Variants in CUL5 observed in about 807,000 individuals in gnomAD.
CUL5 encodes the protein cullin-5.
Under a neutral mutation model 108.8 loss-of-function variants are expected in CUL5, and 26 were observed. The observed-to-expected ratio is 0.24, with a 90% CI of 0.18 to 0.33. The LOEUF is 0.33. CUL5 is among the 10% of genes least tolerant of loss of function. The pLI, the probability that CUL5 is intolerant of heterozygous loss-of-function variation, is 1.00. For synonymous variants in CUL5, 334 were observed against 298.0 expected (o/e 1.12, Z -1.25); for missense variants, 524 against 909.2 (o/e 0.58, Z 5.45).
chr11:108,021,024 A>C (rs909622376), intron 1 of CUL5, among the ~76,000 whole-genome samples: 2 of 152,250 alleles, frequency 1.3e-5, no homozygotes, highest in Non-Finnish European at 2.9e-5. Flanking sequence ...AATTCTTACC[A>C]CTTTGTCCTA....
In CUL5 at chr11:108,088,874, C is replaced by G. The variant is rs998150599; in HGVS notation, c.1311+215C>G. 2.0e-5 allele frequency among the ~76,000 whole-genome samples: 3 copies of G among 151,850 alleles called. No homozygotes were observed. The South Asian group carries it at 6.3e-4, about 32-fold the overall frequency. The stretch of plus-strand genomic sequence containing the variant: ...TCTTGAAAGGAATACCATTTAATTC[C>G]TCTCCTTTCTTGGTTATTTTTAGGA... On this transcript the variant is annotated intron_variant, in intron 12 of 18. Coordinates refer to ENST00000393094, the MANE Select transcript of CUL5 (RefSeq NM_003478.6).
At chr11:108,064,450 G>C (rs1378510159) in intron 7 of CUL5, among the ~76,000 whole-genome samples, 1 of 152,174 alleles carries the variant, frequency 6.6e-6, no homozygotes, top group Non-Finnish European at 1.5e-5. Flanking sequence ...GCTCACGCCT[G>C]TAATCCCAGC....
chr11:108,080,676 G>A (rs1050323679), intron 11 of CUL5, among the ~76,000 whole-genome samples: 2 of 152,140 alleles, frequency 1.3e-5, no homozygotes, highest in Admixed American at 1.3e-4. Context: ...TTACAGGCAT[G>A]AGCCACCATG....
At chr11:108,021,107 C>T (rs1329797535) in intron 1 of CUL5, among the ~76,000 whole-genome samples, 2 of 152,166 alleles carry the variant, frequency 1.3e-5, no homozygotes, top group African/African-American at 4.8e-5. Context: ...TACCATTTAG[C>T]CTAAGTGTAT....
intron 1 of CUL5, among the ~76,000 whole-genome samples, chr11:108,022,486 T>C (rs1163619353): frequency 6.6e-6 from 1 of 151,910 alleles, no homozygotes; most frequent in African/African-American, 2.4e-5. Context: ...TGCTTGAAAA[T>C]GCACTCCTAA....
At chr11:108,015,060 G>A (rs1862147377) in intron 1 of CUL5, among the ~76,000 whole-genome samples, 1 of 152,014 alleles carries the variant, frequency 6.6e-6, no homozygotes, top group South Asian at 2.1e-4. Context: ...CACCATGCTC[G>A]GCTGATTTTT....
At chr11:108,028,860 T>C (rs1049279171) in intron 1 of CUL5, among the ~76,000 whole-genome samples, 1 of 152,158 alleles carries the variant, frequency 6.6e-6, no homozygotes, top group African/African-American at 2.4e-5. Context: ...ATGACACTTC[T>C]TGCTCAGAAT....
chr11:108,080,073 G>A (rs984205390), intron 11 of CUL5, among the ~76,000 whole-genome samples: 7 of 148,966 alleles, frequency 4.7e-5, no homozygotes, highest in Non-Finnish European at 5.9e-5. Context: ...TTTAATTCCC[G>A]TCTCCCTCAT....
intron 1 of CUL5, among the ~76,000 whole-genome samples, chr11:108,022,893 A>T (rs73555376): frequency 0.02 from 3,014 of 152,146 alleles, 112 homozygotes; most frequent in African/African-American, 0.068. Context: ...TGCTTTTCTT[A>T]TGGACTTTTT....
At chr11:108,091,123 C>T (rs1263984187) in intron 13 of CUL5, among the ~76,000 whole-genome samples, 1 of 151,870 alleles carries the variant, frequency 6.6e-6, no homozygotes, top group African/African-American at 2.4e-5. Flanking sequence ...GCAATCTTGA[C>T]TCACTGAAAC....
At chr11:108,064,835 TG>T (rs1434762222) in intron 7 of CUL5, among the ~76,000 whole-genome samples, 2 of 152,314 alleles carry the variant, frequency 1.3e-5, no homozygotes, top group East Asian at 3.9e-4. Flanking sequence ...TGTCTGCTTT[TG>T]GTATTAGGGC....
chr11:108,038,567 T>C lies in CUL5; in HGVS notation c.134+4656T>C, dbSNP rs146496136. 7.1e-3 allele frequency among the ~76,000 whole-genome samples: 1,075 copies of C among 151,388 alleles called. 12 individuals carry two copies. The highest frequency in any genetic ancestry group is 0.024 in the African/African-American group (994 of 41,214). ...GTGGGCCTCAGTAATTCCAGCTACT[T>C]GGGAGGCTGAGGCAGGATAATCACT... On this transcript the variant is annotated intron_variant, in intron 2 of 18. Transcript: ENST00000393094.
intron 1 of CUL5, among the ~76,000 whole-genome samples, chr11:108,016,234 T>G (rs1415115900): frequency 7.8e-6 from 1 of 128,728 alleles, no homozygotes; most frequent in African/African-American, 4.1e-5. Context: ...GTTTTTCTTT[T>G]CTCTTCTCTT....
intron 13 of CUL5, 43 bp downstream of exon 13, chr11:108,089,666 A>C: frequency 3.7e-6 from 4 of 1,073,212 alleles, no homozygotes; most frequent in Non-Finnish European, 5.2e-6. Context: ...AATACATTAC[A>C]TCATTTATAT....
intron 3 of CUL5, among the ~76,000 whole-genome samples, chr11:108,048,501 C>A (rs977466057): frequency 6.6e-6 from 1 of 152,054 alleles, no homozygotes; most frequent in African/African-American, 2.4e-5. Flanking sequence ...TCAAGGAGAC[C>A]AGCCTTTGAG....
intron 1 of CUL5, among the ~76,000 whole-genome samples, chr11:108,014,288 A>G (rs1043758376): frequency 1.3e-5 from 2 of 152,186 alleles, no homozygotes; most frequent in Admixed American, 6.5e-5. Flanking sequence ...GCTGCAGTGT[A>G]AGCAGGGCTG....
intron 10 of CUL5, among the ~76,000 whole-genome samples, chr11:108,074,883 G>A (rs1235853594): frequency 1.3e-5 from 2 of 152,166 alleles, no homozygotes; most frequent in South Asian, 2.1e-4. Context: ...GACATGGTGG[G>A]CGTGGTGTGA....
At chr11:108,013,980 G>A (rs536797020) in intron 1 of CUL5, among the ~76,000 whole-genome samples, 4 of 152,302 alleles carry the variant, frequency 2.6e-5, no homozygotes, top group African/African-American at 9.6e-5. Context: ...CATGGAGAAT[G>A]CAAAGATATG....
chr11:108,058,199 ACT>A (rs1261196223), intron 7 of CUL5, among the ~76,000 whole-genome samples: 4 of 106,978 alleles, frequency 3.7e-5, no homozygotes, highest in Non-Finnish European at 5.5e-5. Context: ...ATAGAGCAAG[ACT>A]CTGTCTCAAA....
Sources: gnomAD v4.1 joint callset for allele counts (sites outside exome capture counted in the v4.1 genomes callset) on GRCh38, gnomAD v4.1.1 for gene constraint, MANE v1.5 for transcripts, NCBI Gene and HGNC (gene_info 2026-07-23, HGNC 2026-07-21) for gene names.